Variants in DAB1 observed in about 807,000 individuals in gnomAD.
DAB1 encodes the protein DAB adaptor protein 1, also known as disabled homolog 1.
DAB1 carries 15 observed loss-of-function variants against 64.6 expected under a neutral mutation model. That is an observed-to-expected ratio of 0.23 (90% confidence interval 0.16 to 0.36). DAB1 has a LOEUF of 0.36. Among genes scored for constraint, DAB1 ranks in the 10% least tolerant of loss-of-function variants. DAB1 has a pLI of 1.00. For synonymous variants in DAB1, 235 were observed against 251.9 expected (o/e 0.93, Z 0.64); for missense variants, 596 against 706.7 (o/e 0.84, Z 1.78).
intron 4 of DAB1, among the ~76,000 whole-genome samples, chr1:58,157,086 G>T (rs906972025): frequency 6.6e-6 from 1 of 152,068 alleles, no homozygotes; most frequent in Non-Finnish European, 1.5e-5. Context: ...AGCATCCCAC[G>T]TCACCTGCAG....
intron 4 of DAB1, among the ~76,000 whole-genome samples, chr1:58,309,483 T>G (rs1486537521): frequency 6.6e-6 from 1 of 152,116 alleles, no homozygotes; most frequent in East Asian, 1.9e-4. Flanking sequence ...AAGCCTCACT[T>G]TGAACTCTTT....
intron 7 of DAB1, among the ~76,000 whole-genome samples, chr1:57,494,447 T>C (rs1045474960): frequency 6.6e-6 from 1 of 152,226 alleles, no homozygotes; most frequent in Admixed American, 6.5e-5. Context: ...ACGTTTAATG[T>C]GCCCAAGTGC....
chr1:57,554,209 T>C (rs148526296), intron 7 of DAB1, among the ~76,000 whole-genome samples: 1 of 152,198 alleles, frequency 6.6e-6, no homozygotes, highest in African/African-American at 2.4e-5. Context: ...GAAAAGGAGG[T>C]AAAAATCCCA....
At chr1:57,942,466 G>A (rs539417915) in intron 5 of DAB1, among the ~76,000 whole-genome samples, 1 of 152,330 alleles carries the variant, frequency 6.6e-6, no homozygotes, top group East Asian at 1.9e-4. Flanking sequence ...TGGTAAGTAT[G>A]TGAGACAGGC....
intron 6 of DAB1, among the ~76,000 whole-genome samples, chr1:57,754,551 T>C (rs554657736): frequency 1.2e-4 from 18 of 151,400 alleles, no homozygotes; most frequent in Admixed American, 1.1e-3. Flanking sequence ...GCGGGCATGG[T>C]GGCATGCGCC....
intron 2 of DAB1, among the ~76,000 whole-genome samples, chr1:57,171,309 A>G (rs528347202): frequency 1.3e-5 from 2 of 152,342 alleles, no homozygotes; most frequent in Admixed American, 6.5e-5. Flanking sequence ...AAACTGCTCA[A>G]TTAATATGAA....
intron 4 of DAB1, among the ~76,000 whole-genome samples, chr1:58,312,147 C>A (rs1399719407): frequency 4.6e-5 from 7 of 152,130 alleles, no homozygotes; most frequent in African/African-American, 1.7e-4. Flanking sequence ...TGCTACCAAG[C>A]AAGCATAATC....
intron 4 of DAB1, among the ~76,000 whole-genome samples, chr1:58,266,876 C>T (rs564206894): frequency 1.1e-4 from 16 of 152,268 alleles, no homozygotes; most frequent in South Asian, 4.2e-4. Flanking sequence ...TTACTGTAAT[C>T]CATCTTGGTG....
chr1:57,796,691 T>TG (rs1223090296), intron 6 of DAB1, among the ~76,000 whole-genome samples: 2 of 152,126 alleles, frequency 1.3e-5, no homozygotes, highest in African/African-American at 4.8e-5. Context: ...GCTGAGTCAT[T>TG]GGGTGTAGCA....
chr1:58,473,881 G>A (rs764592322), intron 3 of DAB1: 4 of 798,924 alleles, frequency 5.0e-6, no homozygotes, highest in Non-Finnish European at 5.7e-6. Context: ...TTTCAACTCC[G>A]ACAGATTTCT....
At chr1:57,411,262 G>A in intron 1 of DAB1, among the ~76,000 whole-genome samples, 1 of 152,178 alleles carries the variant, frequency 6.6e-6, no homozygotes, top group Non-Finnish European at 1.5e-5. Flanking sequence ...GTGATGAAAT[G>A]GAAAGAGCAC....
intron 7 of DAB1, among the ~76,000 whole-genome samples, chr1:57,462,341 T>C (rs1031470052): frequency 2.0e-5 from 3 of 152,196 alleles, no homozygotes; most frequent in African/African-American, 7.2e-5. Flanking sequence ...AGAAGTCATG[T>C]CACCTCTCTA....
At chr1:57,076,127 G>A (rs1404667778) in intron 4 of DAB1, among the ~76,000 whole-genome samples, 1 of 152,136 alleles carries the variant, frequency 6.6e-6, no homozygotes, top group African/African-American at 2.4e-5. Context: ...GAGGCAGAAA[G>A]GTGAGGCACA....
chr1:57,011,181 G>T lies in DAB1; in HGVS notation c.1536C>A (p.Gly512=). The T allele has an allele frequency of 6.2e-7, 1 of 1,614,048 alleles. No homozygotes were observed. Among genetic ancestry groups the T allele is most frequent in the Non-Finnish European group, 8.5e-7 (1 of 1,179,926 alleles). Residue 512 remains glycine (G), a synonymous_variant, in exon 13 of 15, where the codon GGC becomes GGA. Coordinates refer to ENST00000371236, the MANE Select transcript of DAB1 (RefSeq NM_001365792.1). ...CTTCGCTTTTGCTGGGACTTTCAAAGCCCTCTTCAAAGATGTCATCTGTGG... is the reference window on the plus strand; with the variant it reads ...CTTCGCTTTTGCTGGGACTTTCAAATCCCTCTTCAAAGATGTCATCTGTGG... The part of the protein sequence containing the change: ...DPTTDDIFEE[G]FESPSKSEEQ...
chr1:57,986,866 C>A (rs1646231659), intron 5 of DAB1, among the ~76,000 whole-genome samples: 1 of 152,138 alleles, frequency 6.6e-6, no homozygotes, highest in African/African-American at 2.4e-5. Flanking sequence ...ACAGGCTGGA[C>A]CCTGGGCCCT....
chr1:57,777,051 A>T (rs1649835287), intron 6 of DAB1, among the ~76,000 whole-genome samples: 1 of 146,990 alleles, frequency 6.8e-6, no homozygotes, highest in African/African-American at 2.5e-5. Context: ...TATTGTCTTA[A>T]TTTTGGAAGA....
At chr1:58,021,753 GA>G (rs1646818461) in intron 5 of DAB1, among the ~76,000 whole-genome samples, 1 of 152,170 alleles carries the variant, frequency 6.6e-6, no homozygotes, top group Admixed American at 6.5e-5. Flanking sequence ...TGGTATAGGG[GA>G]AAGATTAGAA....
chr1:57,217,420 C>T (rs1666510005), intron 2 of DAB1, among the ~76,000 whole-genome samples: 1 of 152,078 alleles, frequency 6.6e-6, no homozygotes, highest in Admixed American at 6.6e-5. Flanking sequence ...ATTATATGTC[C>T]TTATCGGTCC....
intron 3 of DAB1, among the ~76,000 whole-genome samples, chr1:58,370,082 T>C (rs907259749): frequency 3.9e-5 from 6 of 152,216 alleles, no homozygotes; most frequent in Non-Finnish European, 8.8e-5. Context: ...AGGCAAATAT[T>C]GTCATATGTA....
Sources: gnomAD v4.1 joint callset for allele counts (sites outside exome capture counted in the v4.1 genomes callset) on GRCh38, gnomAD v4.1.1 for gene constraint, MANE v1.5 for transcripts, NCBI Gene and HGNC (gene_info 2026-07-23, HGNC 2026-07-21) for gene names.